The following DNAJA2 variants were observed in gnomAD, a reference collection of about 807,000 sequenced individuals.
DNAJA2 encodes the protein dnaJ homolog subfamily A member 2.
DNAJA2 carries 6 observed loss-of-function variants against 49.3 expected under a neutral mutation model. The ratio of observed to expected loss-of-function variants is 0.12; its 90% CI spans 0.07 to 0.24. The LOEUF is 0.24. Among genes scored for constraint, DNAJA2 ranks in the 10% least tolerant of loss-of-function variants. The pLI is 1.00. For missense variants in DNAJA2, 347 were observed against 516.8 expected, an observed-to-expected ratio of 0.67 and a Z score of 3.19; for synonymous variants, 160 against 172.7, an observed-to-expected ratio of 0.93 and a Z score of 0.58.
chr16:46,967,379 TA>T, intron 5 of DNAJA2, 133 bp downstream of exon 5: 1 of 1,175,634 alleles, frequency 8.5e-7, no homozygotes, highest in Non-Finnish European at 1.2e-6. Flanking sequence ...AGGAATGAGC[TA>T]ACGCACCCGG....
chr16:46,971,718 C>A, intron 2 of DNAJA2, 146 bp from the exon 3 acceptor site: 2 of 805,640 alleles, frequency 2.5e-6, no homozygotes, highest in Non-Finnish European at 3.9e-6. Context: ...CTATTTACCA[C>A]CCACCGCTCC....
intron 1 of DNAJA2, 25 bp from the exon 2 acceptor site, chr16:46,971,980 A>C: frequency 6.4e-7 from 1 of 1,560,370 alleles, no homozygotes; most frequent in Non-Finnish European, 8.8e-7. Context: ...AAAAACAAAA[A>C]AGGTTATAAC....
chr16:46,967,747 A>T, intron 4 of DNAJA2, 101 bp from the exon 5 acceptor site: 1 of 1,448,146 alleles, frequency 6.9e-7, no homozygotes, highest in Non-Finnish European at 9.5e-7. Flanking sequence ...TTCAACCCCA[A>T]TAACTTGTAT....
intron 6 of DNAJA2, among the ~76,000 whole-genome samples, chr16:46,962,182 T>C (rs1961905063): frequency 6.6e-6 from 1 of 152,208 alleles, no homozygotes; most frequent in Non-Finnish European, 1.5e-5. Flanking sequence ...AAGAAGCTTA[T>C]TCATAATCTC....
At chr16:46,959,625 A>G in intron 6 of DNAJA2, 1 of 509,174 alleles carries the variant, frequency 2.0e-6, no homozygotes, top group Non-Finnish European at 3.5e-6. Flanking sequence ...AGGAAGGTGT[A>G]CTGGAACTGG....
rs981662210 is a variant in DNAJA2 at position 46,957,256 on chromosome 16, A to G, written c.1048-36T>C. 18 of 1,528,986 alleles carry G rather than the reference A, an allele frequency of 1.2e-5. No individual in the cohort carries two copies. The African/African-American group carries it at 1.4e-4, about 12-fold the overall frequency. 94.7% of individuals were successfully genotyped at this position (1,528,986 alleles called of 1,614,324 possible). ...ACAAACAAAAACCAGGTTGGTTGTA[A>G]TATTTTCATCAACTTTCCTTTTGAT... On this transcript the variant is annotated intron_variant, in intron 8 of 8. Transcript: ENST00000317089.
intron 6 of DNAJA2, among the ~76,000 whole-genome samples, chr16:46,961,355 G>C (rs1188406207): frequency 6.6e-6 from 1 of 151,968 alleles, no homozygotes; most frequent in African/African-American, 2.4e-5. Flanking sequence ...ACTCCAGCCT[G>C]GGTGACAGAG....
Position 46,959,291 on chromosome 16 carries a change from G to C in DNAJA2, c.903C>G (p.Gly301=), listed in dbSNP as rs1186108909. Residue 301 remains glycine (G), a synonymous_variant, in exon 7 of 9, where the codon GGC becomes GGG. Coordinates refer to ENST00000317089, the MANE Select transcript of DNAJA2 (RefSeq NM_005880.4). Reference sequence around the variant, plus strand: ...AAGATTTACCTGGTTCAATTACTTTGCCAGGGGGGTATTTCACCACAATCT... The same window carrying C: ...AAGATTTACCTGGTTCAATTACTTTCCCAGGGGGGTATTTCACCACAATCT... The part of the protein sequence containing the change: ...GRQIVVKYPP[G]KVIEPGCVRV... The C allele has an allele frequency of 5.0e-6, 8 of 1,613,474 alleles. No individual in the cohort carries two copies. The highest frequency in any genetic ancestry group is 6.8e-6 in the Non-Finnish European group (8 of 1,179,808).
intron 6 of DNAJA2, among the ~76,000 whole-genome samples, chr16:46,960,165 T>C (rs1169241408): frequency 2.0e-5 from 3 of 152,232 alleles, no homozygotes; most frequent in African/African-American, 7.2e-5. Flanking sequence ...AGACAGGTTC[T>C]TTTCCTATGT....
chr16:46,956,672 A>G lies in DNAJA2; in HGVS notation c.*357T>C. 1 of 194,984 alleles carries G rather than the reference A, an allele frequency of 5.1e-6. No individual in the cohort carries two copies. Among genetic ancestry groups the G allele is most frequent in the South Asian group, 9.0e-5 (1 of 11,130 alleles). The allele number at this position is 194,984 out of a possible 1,614,324, so 12.1% of individuals were successfully genotyped here. On this transcript the variant is annotated 3_prime_UTR_variant, in exon 9 of 9. Transcript: ENST00000317089. ...CACAAAGCTTCAGGACAAATTGTAC[A>G]AACTTTACAATGTGGGATTTAAATT... is the stretch of plus-strand genomic sequence containing the variant.
intron 8 of DNAJA2, among the ~76,000 whole-genome samples, chr16:46,957,553 A>C (rs1438754258): frequency 6.6e-6 from 1 of 151,704 alleles, no homozygotes; most frequent in Non-Finnish European, 1.5e-5. Flanking sequence ...CAGTAAGCTG[A>C]GATTGTGCCA....
intron 1 of DNAJA2, chr16:46,972,846 C>T (rs140541540): frequency 1.3e-5 from 2 of 152,366 alleles, no homozygotes; most frequent in Non-Finnish European, 2.9e-5. Context: ...CGGCTTATTC[C>T]TAAGCAGGTA....
At chr16:46,968,980 G>C (rs368605665) in intron 3 of DNAJA2, among the ~76,000 whole-genome samples, 5 of 152,182 alleles carry the variant, frequency 3.3e-5, no homozygotes, top group Admixed American at 3.3e-4. Context: ...CCTGGAGATT[G>C]AGGCTGCAGT....
chr16:46,972,823 T>C (rs960523613), intron 1 of DNAJA2: 2 of 152,260 alleles, frequency 1.3e-5, no homozygotes, highest in South Asian at 2.1e-4. Flanking sequence ...ACTCAGGCGT[T>C]TGGCTGGGAC....
At chr16:46,970,713 CGACA>C (rs1225171959) in intron 3 of DNAJA2, among the ~76,000 whole-genome samples, 1 of 97,542 alleles carries the variant, frequency 1.0e-5, no homozygotes, top group Non-Finnish European at 1.9e-5. Context: ...CCAACCCGGG[CGACA>C]GGGACTCCAT....
chr16:46,964,528 C>A, intron 6 of DNAJA2, 83 bp downstream of exon 6: 1 of 1,383,266 alleles, frequency 7.2e-7, no homozygotes. Flanking sequence ...CCAGGGACTC[C>A]AAACAGATCT....
intron 3 of DNAJA2, among the ~76,000 whole-genome samples, 198 bp downstream of exon 3, chr16:46,971,151 G>A (rs1230708149): frequency 1.3e-5 from 2 of 151,870 alleles, no homozygotes; most frequent in Non-Finnish European, 2.9e-5. Context: ...AAAAAATATC[G>A]ACTGTCCTTT....
At chr16:46,963,737 T>A (rs1018536176) in intron 6 of DNAJA2, among the ~76,000 whole-genome samples, 1 of 152,046 alleles carries the variant, frequency 6.6e-6, no homozygotes, top group Non-Finnish European at 1.5e-5. Context: ...AGTGACCACA[T>A]TCTTCAGAAG....
At chr16:46,967,341 CCT>C (rs1555489117) in intron 5 of DNAJA2, among the ~76,000 whole-genome samples, 170 bp downstream of exon 5, 4 of 152,176 alleles carry the variant, frequency 2.6e-5, no homozygotes, top group African/African-American at 7.2e-5. Context: ...GAGCAATCCA[CCT>C]CTGTCTCCCA....
Sources: allele counts gnomAD v4.1 joint callset (sites outside exome capture counted in the v4.1 genomes callset), GRCh38; gene constraint gnomAD v4.1.1; transcripts MANE v1.5; gene names NCBI Gene and HGNC (gene_info 2026-07-23, HGNC 2026-07-21).